CDH2: variants seen among roughly 807,000 people sequenced by gnomAD.
The protein encoded by CDH2 is cadherin 2, also known as cadherin-2.
CDH2 carries 17 observed loss-of-function variants against 92.0 expected under a neutral mutation model. The observed-to-expected ratio is 0.18, with a 90% CI of 0.13 to 0.28. CDH2 has a LOEUF of 0.28. Among genes scored for constraint, CDH2 ranks in the 10% least tolerant of loss-of-function variants. The probability of loss-of-function intolerance (pLI) is 1.00; values close to 1 mark genes in which losing one functional copy is unlikely to be tolerated. For synonymous variants in CDH2, 419 were observed against 415.9 expected, an observed-to-expected ratio of 1.01 and a Z score of -0.09; for missense variants, 862 against 1,133.1, an observed-to-expected ratio of 0.76 and a Z score of 3.44.
At chr18:28,093,606 T>A (rs1469529481) in intron 2 of CDH2, among the ~76,000 whole-genome samples, 1 of 151,906 alleles carries the variant, frequency 6.6e-6, no homozygotes, top group Non-Finnish European at 1.5e-5. Context: ...CACATTAGGA[T>A]GTTCTCAAAA....
chr18:27,969,522 T>C (rs112316022), intron 14 of CDH2, among the ~76,000 whole-genome samples: 25 of 152,328 alleles, frequency 1.6e-4, no homozygotes, highest in African/African-American at 5.8e-4. Flanking sequence ...CTATCACAAC[T>C]TATTTCCCGT....
intron 2 of CDH2, among the ~76,000 whole-genome samples, chr18:28,062,387 T>C (rs1208924459): frequency 6.6e-6 from 1 of 152,232 alleles, no homozygotes; most frequent in Non-Finnish European, 1.5e-5. Flanking sequence ...GTAGAATTTA[T>C]AATCCAATAT....
intron 6 of CDH2, 103 bp downstream of exon 6, chr18:28,005,746 T>A (rs2012897595): frequency 5.8e-6 from 4 of 695,094 alleles, no homozygotes; most frequent in Non-Finnish European, 4.4e-6. Flanking sequence ...AAGAAAAGGA[T>A]CCAAAAAGCC....
chr18:27,935,924 C>T (rs1410013349), intron 6 of CDH2, among the ~76,000 whole-genome samples: 1 of 152,086 alleles, frequency 6.6e-6, no homozygotes, highest in African/African-American at 2.4e-5. Context: ...CTTAACAAAG[C>T]CCTTTTAAGA....
At chr18:27,936,209 T>C (rs916782175) in intron 6 of CDH2, among the ~76,000 whole-genome samples, 1 of 152,212 alleles carries the variant, frequency 6.6e-6, no homozygotes, top group African/African-American at 2.4e-5. Context: ...ATTTACATTC[T>C]ACAAAGGTCT....
At chr18:28,026,902 C>T (rs925067443) in intron 2 of CDH2, among the ~76,000 whole-genome samples, 1 of 152,156 alleles carries the variant, frequency 6.6e-6, no homozygotes, top group Admixed American at 6.5e-5. Context: ...TCTCCCTTGA[C>T]ATTAAGCATG....
intron 2 of CDH2, among the ~76,000 whole-genome samples, chr18:28,075,507 T>C (rs76978686): frequency 0.013 from 1,954 of 152,282 alleles, 52 homozygotes; most frequent in African/African-American, 0.045. Context: ...AACTGACATG[T>C]TGCTGGGCAA....
At chr18:27,971,691 C>G (rs1054850708) in intron 14 of CDH2, among the ~76,000 whole-genome samples, 9 of 152,070 alleles carry the variant, frequency 5.9e-5, no homozygotes, top group Admixed American at 3.9e-4. Flanking sequence ...TGAAACTTTC[C>G]TTTTGTGAAA....
chr18:27,939,701 A>G (rs1024877251), intron 6 of CDH2, among the ~76,000 whole-genome samples: 3 of 152,216 alleles, frequency 2.0e-5, no homozygotes, highest in Admixed American at 6.5e-5. Context: ...TTCTTATACT[A>G]TGTGGTTTAA....
Position 28,009,888 on chromosome 18 carries a change from AC to A in CDH2, c.547-17del, listed in dbSNP as rs1461831178. ...CAGACCTGATCTGAGGATCAAGAAA[AC>A]AATGACATTAAGTGAGAGACTAAAT... On this transcript the variant is annotated splice_polypyrimidine_tract_variant and intron_variant, in intron 4 of 15. Coordinates refer to ENST00000269141, the MANE Select transcript of CDH2 (RefSeq NM_001792.5). The A allele has an allele frequency of 4.4e-6, 7 of 1,596,070 alleles. No homozygotes were observed. The highest frequency in any genetic ancestry group is 6.0e-6 in the Non-Finnish European group (7 of 1,169,674).
intron 6 of CDH2, among the ~76,000 whole-genome samples, chr18:27,938,227 T>C (rs190635161): frequency 1.8e-4 from 28 of 152,214 alleles, no homozygotes; most frequent in Admixed American, 1.8e-3. Flanking sequence ...GATGCCAGCA[T>C]TATGCTTCCT....
intron 2 of CDH2, among the ~76,000 whole-genome samples, chr18:28,136,206 C>A (rs1230009551): frequency 6.6e-6 from 1 of 152,142 alleles, no homozygotes; most frequent in African/African-American, 2.4e-5. Flanking sequence ...TCAAGAACAT[C>A]AGGAAGGCCA....
chr18:28,039,240 G>T (rs1039213250), intron 2 of CDH2, among the ~76,000 whole-genome samples: 1 of 152,042 alleles, frequency 6.6e-6, no homozygotes, highest in Non-Finnish European at 1.5e-5. Flanking sequence ...CATTTCTGAC[G>T]TCTCAGGATT....
intron 2 of CDH2, among the ~76,000 whole-genome samples, chr18:28,095,899 T>C (rs112453265): frequency 5.4e-5 from 8 of 147,448 alleles, no homozygotes; most frequent in African/African-American, 1.8e-4. Context: ...CAAGGTACAA[T>C]AGCAACACAG....
intron 1 of CDH2, among the ~76,000 whole-genome samples, chr18:28,151,360 T>A (rs751594372): frequency 6.6e-6 from 1 of 152,310 alleles, no homozygotes; most frequent in Non-Finnish European, 1.5e-5. Context: ...CTCAGTTGGT[T>A]TCTGGCATTT....
chr18:28,086,488 C>T (rs2014930348), intron 2 of CDH2, among the ~76,000 whole-genome samples: 1 of 151,940 alleles, frequency 6.6e-6, no homozygotes, highest in South Asian at 2.1e-4. Context: ...GTGTACCTAA[C>T]AAAAATCTTC....
intron 1 of CDH2, among the ~76,000 whole-genome samples, chr18:28,173,449 A>C (rs1209666486): frequency 6.6e-6 from 1 of 152,170 alleles, no homozygotes; most frequent in East Asian, 1.9e-4. Flanking sequence ...AAATACTGAG[A>C]ATAAACACGA....
intron 2 of CDH2, among the ~76,000 whole-genome samples, chr18:28,036,211 G>A (rs1048696223): frequency 6.6e-5 from 10 of 152,088 alleles, no homozygotes; most frequent in African/African-American, 2.4e-4. Flanking sequence ...CAACTCTAGA[G>A]AAGACAAGAG....
chr18:28,017,877 C>T (rs1456575251), intron 2 of CDH2, among the ~76,000 whole-genome samples: 1 of 152,058 alleles, frequency 6.6e-6, no homozygotes, highest in Non-Finnish European at 1.5e-5. Context: ...CTCACTTTCA[C>T]CACTTCTATT....
Sources: gnomAD v4.1 joint callset for allele counts (sites outside exome capture counted in the v4.1 genomes callset) on GRCh38, gnomAD v4.1.1 for gene constraint, MANE v1.5 for transcripts, NCBI Gene and HGNC (gene_info 2026-07-23, HGNC 2026-07-21) for gene names.